Variants in ASCC3 observed in about 807,000 individuals in gnomAD.
The protein encoded by ASCC3 is ASC-1 complex subunit P200.
In ASCC3, 158 loss-of-function variants were observed where a neutral mutation model predicts 256.3. The observed-to-expected ratio is 0.62, with a 90% confidence interval of 0.54 to 0.70. The LOEUF (loss-of-function observed/expected upper bound fraction) is 0.70, where lower values mean the gene tolerates loss of function less well. Ranked by LOEUF, ASCC3 falls within the 30% of genes least tolerant of loss-of-function variation. The pLI, the probability that ASCC3 is intolerant of heterozygous loss-of-function variation, is 0.00. For synonymous variants in ASCC3, 948 were observed against 883.4 expected (o/e 1.07, Z -1.30); for missense variants, 2,259 against 2,626.0 (o/e 0.86, Z 3.05).
chr6:100,835,382 T>C (rs1389877681), intron 4 of ASCC3, among the ~76,000 whole-genome samples: 2 of 152,116 alleles, frequency 1.3e-5, no homozygotes, highest in East Asian at 3.9e-4. Flanking sequence ...TTCTCTTATG[T>C]TGTTGTCTAG....
chr6:100,547,821 C>T (rs1289371866), intron 36 of ASCC3, among the ~76,000 whole-genome samples: 1 of 151,480 alleles, frequency 6.6e-6, no homozygotes, highest in Non-Finnish European at 1.5e-5. Flanking sequence ...GGTGTATGTC[C>T]ATACAACAAA....
At chr6:100,852,154 G>A (rs765094517) in intron 3 of ASCC3, among the ~76,000 whole-genome samples, 1 of 152,304 alleles carries the variant, frequency 6.6e-6, no homozygotes, top group East Asian at 1.9e-4. Flanking sequence ...TTTTTTGGGT[G>A]ACTAAAATGT....
chr6:100,563,263 T>C (rs997885449), intron 36 of ASCC3, among the ~76,000 whole-genome samples: 3 of 152,180 alleles, frequency 2.0e-5, no homozygotes, highest in Non-Finnish European at 4.4e-5. Context: ...CTCTTTTTTG[T>C]GCTTCTTCCC....
intron 13 of ASCC3, among the ~76,000 whole-genome samples, chr6:100,698,320 A>C (rs1331175978): frequency 1.3e-5 from 2 of 152,174 alleles, no homozygotes; most frequent in African/African-American, 2.4e-5. Flanking sequence ...ATTCCTTTGA[A>C]AATGAGAACA....
chr6:100,594,528 G>A (rs940649532), intron 34 of ASCC3, among the ~76,000 whole-genome samples: 13 of 152,104 alleles, frequency 8.5e-5, no homozygotes, highest in Admixed American at 7.9e-4. Context: ...AGACACAAGC[G>A]AGGGCCAATC....
At chr6:100,825,296 C>T (rs1286018509) in intron 4 of ASCC3, among the ~76,000 whole-genome samples, 2 of 149,802 alleles carry the variant, frequency 1.3e-5, no homozygotes, top group African/African-American at 2.5e-5. Flanking sequence ...TTTTTTTAGC[C>T]CATCGGCTAA....
At chr6:100,628,218 C>T (rs1295874232) in intron 27 of ASCC3, among the ~76,000 whole-genome samples, 3 of 151,622 alleles carry the variant, frequency 2.0e-5, no homozygotes, top group Non-Finnish European at 2.9e-5. Flanking sequence ...AGAGTAGAAA[C>T]GTGGTTACCA....
chr6:100,606,506 T>A (rs566326657), intron 32 of ASCC3, among the ~76,000 whole-genome samples: 1 of 152,268 alleles, frequency 6.6e-6, no homozygotes, highest in Non-Finnish European at 1.5e-5. Context: ...TAATAACAAG[T>A]ACTTTAAGCC....
At chr6:100,588,310 G>T (rs967533726) in intron 36 of ASCC3, among the ~76,000 whole-genome samples, 2 of 152,100 alleles carry the variant, frequency 1.3e-5, no homozygotes, top group Non-Finnish European at 2.9e-5. Context: ...TTAAATGTGA[G>T]ATTAGATAAA....
At chr6:100,510,282 T>A (rs528415646) in intron 40 of ASCC3, 175 bp from the exon 41 acceptor site, 2 of 653,206 alleles carry the variant, frequency 3.1e-6, no homozygotes, top group Middle Eastern at 4.2e-4. Flanking sequence ...TGATATGCAA[T>A]TATTTAACTT....
chr6:100,554,120 T>C (rs1433175233), intron 36 of ASCC3, among the ~76,000 whole-genome samples: 1 of 152,176 alleles, frequency 6.6e-6, no homozygotes, highest in Non-Finnish European at 1.5e-5. Context: ...CTTAACAACA[T>C]TGACTGTAAC....
chr6:100,788,715 CACTT>C (rs1263320675), intron 8 of ASCC3, among the ~76,000 whole-genome samples: 1 of 151,692 alleles, frequency 6.6e-6, no homozygotes, highest in Admixed American at 6.6e-5. Context: ...ATATTCATGA[CACTT>C]ACATGATATT....
intron 30 of ASCC3, among the ~76,000 whole-genome samples, chr6:100,609,340 G>A (rs192900734): frequency 1.3e-3 from 190 of 151,848 alleles, no homozygotes; most frequent in African/African-American, 4.5e-3. Flanking sequence ...TAGCAATATA[G>A]GTTAAATACT....
At chr6:100,707,526 T>C (rs1413252678) in intron 13 of ASCC3, among the ~76,000 whole-genome samples, 1 of 152,124 alleles carries the variant, frequency 6.6e-6, no homozygotes, top group African/African-American at 2.4e-5. Context: ...GGGTTAAACT[T>C]TAAACTATTT....
chr6:100,656,958 C>A (rs1248351675), intron 16 of ASCC3, among the ~76,000 whole-genome samples: 1 of 150,936 alleles, frequency 6.6e-6, no homozygotes, highest in Non-Finnish European at 1.5e-5. Context: ...AAAACAAACC[C>A]TCTCGATTTA....
chr6:100,856,289 T>C, intron 3 of ASCC3: 3 of 589,532 alleles, frequency 5.1e-6, no homozygotes, highest in Non-Finnish European at 6.4e-6. Context: ...GTAACACAAA[T>C]ATAAAAATAG....
At chr6:100,583,566 G>A (rs1346934076) in intron 36 of ASCC3, among the ~76,000 whole-genome samples, 1 of 152,068 alleles carries the variant, frequency 6.6e-6, no homozygotes, top group Non-Finnish European at 1.5e-5. Context: ...TTTTTGAAAG[G>A]TTTTTTGTGT....
chr6:100,623,392 G>A (rs1774061245), intron 30 of ASCC3, among the ~76,000 whole-genome samples: 1 of 152,084 alleles, frequency 6.6e-6, no homozygotes, highest in African/African-American at 2.4e-5. Context: ...AGTGAATAAG[G>A]TCATCTATAG....
intron 37 of ASCC3, among the ~76,000 whole-genome samples, chr6:100,524,043 AC>A (rs1301885986): frequency 6.6e-6 from 1 of 152,096 alleles, no homozygotes; most frequent in Admixed American, 6.6e-5. Context: ...CATTAATATT[AC>A]CCCCCTTCAC....
Sources: allele counts gnomAD v4.1 joint callset (sites outside exome capture counted in the v4.1 genomes callset), GRCh38; gene constraint gnomAD v4.1.1; transcripts MANE v1.5; gene names NCBI Gene and HGNC (gene_info 2026-07-23, HGNC 2026-07-21).